CTPS2: variants seen among roughly 807,000 people sequenced by gnomAD.
The protein encoded by CTPS2 is CTP synthase II.
In CTPS2, 19 loss-of-function variants were observed where a neutral mutation model predicts 46.8. The ratio of observed to expected loss-of-function variants is 0.41; its 90% confidence interval spans 0.28 to 0.60. The LOEUF (loss-of-function observed/expected upper bound fraction) is 0.60, where lower values mean the gene tolerates loss of function less well. Among genes scored for constraint, CTPS2 ranks in the 20% least tolerant of loss-of-function variants. CTPS2 has a pLI of 0.35. For missense variants in CTPS2, 286 were observed against 447.6 expected (o/e 0.64, Z 3.26); for synonymous variants, 151 against 165.2 (o/e 0.91, Z 0.66).
intron 17 of CTPS2, among the ~76,000 whole-genome samples, chrX:16,605,647 G>A (rs1180146050): frequency 9.0e-6 from 1 of 111,509 alleles, no homozygotes; most frequent in African/African-American, 3.3e-5. Flanking sequence ...GCTTGAACCC[G>A]GGAGGTGGAG....
intron 17 of CTPS2, among the ~76,000 whole-genome samples, chrX:16,601,577 G>T (rs1023627603): frequency 1.4e-4 from 14 of 101,495 alleles, no homozygotes; most frequent in East Asian, 3.1e-4. Context: ...GCCATCGGGG[G>T]GGGGGGGGTT....
intron 13 of CTPS2, among the ~76,000 whole-genome samples, chrX:16,649,598 C>T (rs1289492442): frequency 9.0e-6 from 1 of 111,536 alleles, no homozygotes; most frequent in Non-Finnish European, 1.9e-5. Flanking sequence ...CTTAAGGAAT[C>T]CTCCCACCTC....
At chrX:16,600,286 T>A (rs1179333984) in intron 17 of CTPS2, among the ~76,000 whole-genome samples, 3 of 111,948 alleles carry the variant, frequency 2.7e-5, no homozygotes, top group African/African-American at 9.7e-5. Flanking sequence ...TGGTTGGAAT[T>A]TAAAGATTTT....
chrX:16,627,512 C>A (rs2147218300), intron 14 of CTPS2, among the ~76,000 whole-genome samples: 1 of 112,291 alleles, frequency 8.9e-6, no homozygotes, highest in East Asian at 2.8e-4. Context: ...CTTGATACAA[C>A]TACCAGCTGT....
intron 8 of CTPS2, among the ~76,000 whole-genome samples, chrX:16,688,074 C>G (rs762020089): frequency 5.4e-5 from 6 of 111,165 alleles, no homozygotes; most frequent in Non-Finnish European, 7.5e-5. Flanking sequence ...CCTAAGCTGC[C>G]CAAGAAGTCC....
intron 14 of CTPS2, among the ~76,000 whole-genome samples, chrX:16,621,323 G>A (rs1446181202): frequency 1.7e-4 from 18 of 105,558 alleles, no homozygotes; most frequent in Non-Finnish European, 3.1e-4. Flanking sequence ...GGTTGGGGGA[G>A]GGATAGCATT....
rs757274649 is a variant in CTPS2, at chrX:16,652,018, TG to T, written c.1297-12776del. ...GGGGGTTTATGACCATAGAGCAGGA[TG>T]GGGGGGGCCAGTGGATGGAAAATTA... On this transcript the variant is annotated intron_variant, in intron 13 of 18. Coordinates refer to ENST00000359276, the MANE Select transcript of CTPS2 (RefSeq NM_175859.3). 7.3e-3 allele frequency among the ~76,000 whole-genome samples: 714 copies of T among 97,681 alleles called. 4 individuals carry two copies. The highest frequency in any genetic ancestry group is 0.012 in the Non-Finnish European group (581 of 48,311). 84.8% of individuals were successfully genotyped at this position (97,681 alleles called of 115,157 possible). A position where few individuals can be genotyped will look rare whatever the true frequency, so the allele number is the denominator to read the frequency against.
intron 14 of CTPS2, among the ~76,000 whole-genome samples, chrX:16,627,296 A>G (rs1931207869): frequency 8.9e-6 from 1 of 112,375 alleles, no homozygotes; most frequent in South Asian, 3.6e-4. Flanking sequence ...TATCTAATTC[A>G]GTGCTTATCT....
At chrX:16,632,293 T>C (rs1931513483) in intron 14 of CTPS2, among the ~76,000 whole-genome samples, 2 of 112,135 alleles carry the variant, frequency 1.8e-5, no homozygotes, top group Admixed American at 1.9e-4. Flanking sequence ...TTAAAAACTT[T>C]TTTAAAAGGA....
intron 13 of CTPS2, among the ~76,000 whole-genome samples, chrX:16,642,707 C>G (rs1417767666): frequency 8.9e-6 from 1 of 112,011 alleles, no homozygotes; most frequent in Non-Finnish European, 1.9e-5. Flanking sequence ...GATTCAGCAG[C>G]AAAAATTAAC....
At chrX:16,688,213 C>T (rs1224031515) in intron 8 of CTPS2, among the ~76,000 whole-genome samples, 3 of 111,155 alleles carry the variant, frequency 2.7e-5, no homozygotes, top group African/African-American at 9.8e-5. Context: ...GCCTGGCAAA[C>T]ATGGTGAAAC....
intron 1 of CTPS2, among the ~76,000 whole-genome samples, chrX:16,705,976 C>A (rs1924964046): frequency 9.2e-6 from 1 of 108,314 alleles, no homozygotes; most frequent in Admixed American, 1.0e-4. Flanking sequence ...TGGTGCACAC[C>A]TGTAATCCTG....
At chrX:16,593,273 C>CA (rs1178464500) in intron 17 of CTPS2, among the ~76,000 whole-genome samples, 2 of 109,675 alleles carry the variant, frequency 1.8e-5, no homozygotes, top group Non-Finnish European at 3.8e-5. Flanking sequence ...ACTAAAAATA[C>CA]AAAAAATTAG....
rs368162766 is a variant in CTPS2, at chrX:16,678,898, C to G, written c.1006-448G>C. On this transcript the variant is annotated intron_variant, in intron 9 of 18. Transcript: ENST00000359276. Reference sequence around the variant, plus strand: ...AAATTTAAAAAAAAAGCAACTAGGACGTCACTAGAACTGAACACTGGAGGA... The same window carrying G: ...AAATTTAAAAAAAAAGCAACTAGGAGGTCACTAGAACTGAACACTGGAGGA... Among the ~76,000 whole-genome samples the G allele has an allele frequency of 1.3e-4, 14 of 110,024 alleles. No individual in the cohort carries two copies. The South Asian group carries it at 2.0e-3, about 15-fold the overall frequency.
At chrX:16,695,547 T>A (rs1485431870) in intron 4 of CTPS2, among the ~76,000 whole-genome samples, 2 of 110,891 alleles carry the variant, frequency 1.8e-5, no homozygotes, top group East Asian at 5.6e-4. Context: ...TTTTTATTTT[T>A]ATTTATTTAT....
chrX:16,610,425 C>T (rs1029164057), intron 16 of CTPS2, among the ~76,000 whole-genome samples: 3 of 110,991 alleles, frequency 2.7e-5, no homozygotes, highest in East Asian at 5.6e-4. Context: ...CACTTACCAG[C>T]AAAGATCCAA....
At chrX:16,667,067 A>C (rs1302378907) in intron 13 of CTPS2, among the ~76,000 whole-genome samples, 1 of 110,437 alleles carries the variant, frequency 9.1e-6, no homozygotes, top group Non-Finnish European at 1.9e-5. Flanking sequence ...AAAGGAATTT[A>C]ATATAAGAAT....
At chrX:16,678,826 C>G (rs766322429) in intron 9 of CTPS2, among the ~76,000 whole-genome samples, 151 of 109,516 alleles carry the variant, frequency 1.4e-3, no homozygotes, top group Non-Finnish European at 1.8e-3. Flanking sequence ...CTGATTGTAA[C>G]ACTGCATTCC....
chrX:16,639,777 A>AAAG (rs1555961940), intron 13 of CTPS2, among the ~76,000 whole-genome samples: 7 of 72,675 alleles, frequency 9.6e-5, no homozygotes, highest in Non-Finnish European at 1.6e-4. Context: ...AAAGGAAAAG[A>AAAG]AAAGAAAGAA....
Sources: gnomAD v4.1 joint callset for allele counts (sites outside exome capture counted in the v4.1 genomes callset) on GRCh38, gnomAD v4.1.1 for gene constraint, MANE v1.5 for transcripts, NCBI Gene and HGNC (gene_info 2026-07-23, HGNC 2026-07-21) for gene names.